Variants in CSN1S1 observed in about 807,000 individuals in gnomAD.
CSN1S1 encodes alpha-S1-casein.
In CSN1S1, 63 loss-of-function variants were observed where a neutral mutation model predicts 49.1. The ratio of observed to expected loss-of-function variants is 1.28; its 90% CI spans 1.05 to 1.58. CSN1S1 has a LOEUF of 1.58. Ranked by LOEUF, CSN1S1 falls within the 40% of genes most tolerant of loss-of-function variation. CSN1S1 has a pLI of 0.00. For missense variants in CSN1S1, 260 were observed against 224.7 expected (o/e 1.16, Z -1.01); for synonymous variants, 78 against 67.1 (o/e 1.16, Z -0.79).
intron 8 of CSN1S1, among the ~76,000 whole-genome samples, chr4:69,937,418 G>A (rs1443140129): frequency 6.7e-6 from 1 of 148,528 alleles, no homozygotes; most frequent in African/African-American, 2.5e-5. Flanking sequence ...TTTTGCTTAG[G>A]TATTTACACA....
At position 69,945,110 on chromosome 4, in the gene CSN1S1, C is replaced by T. The variant is rs144301879; in HGVS notation, c.557+106C>T. The T allele has an allele frequency of 5.3e-3, 6,231 of 1,176,334 alleles. 34 individuals carry two copies. The highest frequency in any genetic ancestry group is 6.1e-3 in the Non-Finnish European group (5,048 of 822,096). 72.9% of individuals were successfully genotyped at this position (1,176,334 alleles called of 1,614,324 possible). A position where few individuals can be genotyped will look rare whatever the true frequency, so the allele number is the denominator to read the frequency against. Reference sequence around the variant, plus strand: ...CAGATTTAGATTAAACATGGCAAATCAATGCCTACTGCAAAGGACTAATAT... The same window carrying T: ...CAGATTTAGATTAAACATGGCAAATTAATGCCTACTGCAAAGGACTAATAT... On this transcript the variant is annotated intron_variant, in intron 15 of 15. Transcript: ENST00000246891.
At chr4:69,931,951 G>A (rs1722620352) in intron 1 of CSN1S1, among the ~76,000 whole-genome samples, 1 of 151,856 alleles carries the variant, frequency 6.6e-6, no homozygotes, top group Admixed American at 6.6e-5. Flanking sequence ...ATATTCCAAT[G>A]TAGCAAAACA....
rs536645889 is a variant in CSN1S1, at chr4:69,946,117, C to T, written c.*-79C>T. 1.6e-4 allele frequency: 63 copies of T among 404,834 alleles called. 1 individual carries two copies. In the South Asian group the frequency reaches 2.5e-3, roughly 16 times the overall value. 25.1% of individuals were successfully genotyped at this position (404,834 alleles called of 1,614,324 possible). On this transcript the variant is annotated intron_variant, in intron 15 of 15. Transcript: ENST00000246891. Reference sequence around the variant, plus strand: ...CTAATACGAAGAGAAAATAGTAAAACGTGTTCTACCATAAGAGCTTTTCTT... The same window carrying T: ...CTAATACGAAGAGAAAATAGTAAAATGTGTTCTACCATAAGAGCTTTTCTT...
chr4:69,939,209 G>A lies in CSN1S1; in HGVS notation c.276+1G>A. 6.3e-7 allele frequency: 1 copy of A among 1,594,540 alleles called. No individual in the cohort carries two copies. The highest frequency in any genetic ancestry group is 8.6e-7 in the Non-Finnish European group (1 of 1,165,718). ...ATCCAGCATCAGTTCATCGAGTGAG[G>A]TAAATAATTTTGATATTAATTCTGT... is the stretch of plus-strand genomic sequence containing the variant. On this transcript the variant is annotated splice_donor_variant, in intron 10 of 15. Transcript: ENST00000246891. LOFTEE classifies it high-confidence loss of function.
intron 14 of CSN1S1, among the ~76,000 whole-genome samples, chr4:69,944,648 G>A (rs1307323497): frequency 6.6e-6 from 1 of 151,960 alleles, no homozygotes; most frequent in African/African-American, 2.4e-5. Context: ...CCCCTCAGGT[G>A]TCTTAAAAGA....
intron 4 of CSN1S1, among the ~76,000 whole-genome samples, chr4:69,935,022 A>G (rs532138128): frequency 1.3e-5 from 2 of 152,244 alleles, no homozygotes; most frequent in South Asian, 4.1e-4. Context: ...TCTTCTAGCT[A>G]AGAAATCTGT....
chr4:69,934,409 GACGGCAC>G (rs976779808), intron 3 of CSN1S1, among the ~76,000 whole-genome samples, 165 bp downstream of exon 3: 1 of 152,014 alleles, frequency 6.6e-6, no homozygotes, highest in African/African-American at 2.4e-5. Flanking sequence ...AAACTTAGAG[GACGGCAC>G]ACTGACTTAG....
At position 69,936,574 on chromosome 4, in the gene CSN1S1, C is replaced by CTGCTAGAAAAACAGAA. The variant is rs1325536667; in HGVS notation, c.162_163insTGCTAGAAAAACAGAA (p.Ile55CysfsTer2). On this transcript the variant is annotated stop_gained and frameshift_variant, in exon 7 of 16. Transcript: ENST00000246891. LOFTEE classifies it high-confidence loss of function. ...CACTTTATTGATTTTAGCAGAGAAACATTCTGAGAGAAAAACAGACTGATG... is the reference window on the plus strand; with the variant it reads ...CACTTTATTGATTTTAGCAGAGAAACTGCTAGAAAAACAGAAATTCTGAGAGAAAAACAGACTGATG... 10 of 1,605,740 alleles carry CTGCTAGAAAAACAGAA rather than the reference C, an allele frequency of 6.2e-6. No individual in the cohort carries two copies. Among genetic ancestry groups the CTGCTAGAAAAACAGAA allele is most frequent in the Non-Finnish European group, 8.5e-6 (10 of 1,175,792 alleles).
chr4:69,939,253 A>G lies in CSN1S1; in HGVS notation c.276+45A>G, dbSNP rs1722900057. 4.9e-6 allele frequency: 7 copies of G among 1,432,278 alleles called. No homozygotes were observed. The African/African-American group carries it at 7.1e-5, about 15-fold the overall frequency. 88.7% of individuals were successfully genotyped at this position (1,432,278 alleles called of 1,614,324 possible). On this transcript the variant is annotated intron_variant, in intron 10 of 15. Coordinates refer to ENST00000246891, the MANE Select transcript of CSN1S1 (RefSeq NM_001890.2). ...ATTCTGTGTCCCAACTAATTTAAAAAATTATGAAAACTTGTACCGTGAGGA... is the reference window on the plus strand; with the variant it reads ...ATTCTGTGTCCCAACTAATTTAAAAGATTATGAAAACTTGTACCGTGAGGA...
rs773831391 is a variant in CSN1S1 at position 69,936,458 on chromosome 4, A to G, written c.132A>G (p.Glu44=). 2 of 1,555,706 alleles carry G rather than the reference A, an allele frequency of 1.3e-6. No homozygotes were observed. The highest frequency in any genetic ancestry group is 1.8e-6 in the Non-Finnish European group (2 of 1,129,770). Residue 44 remains glutamate, a splice_region_variant and synonymous_variant, in exon 6 of 16, where the codon GAA becomes GAG. Transcript: ENST00000246891. ...SEPIPLESRE[E]YMNGMNRQRN... is the part of the protein sequence containing the mutation. ...ATGTTTTCTTTTTTATCCCTAAGGAATACATGAATGGTATGAACAGGGTAA... is the reference window on the plus strand; with the variant it reads ...ATGTTTTCTTTTTTATCCCTAAGGAGTACATGAATGGTATGAACAGGGTAA...
intron 1 of CSN1S1, among the ~76,000 whole-genome samples, chr4:69,932,248 A>G (rs769768013): frequency 4.6e-5 from 7 of 151,940 alleles, no homozygotes; most frequent in Non-Finnish European, 1.0e-4. Context: ...TCTAAGCCAT[A>G]TTATTACATT....
chr4:69,944,597 A>C (rs1260185504), intron 14 of CSN1S1, among the ~76,000 whole-genome samples: 1 of 151,956 alleles, frequency 6.6e-6, no homozygotes, highest in Non-Finnish European at 1.5e-5. Flanking sequence ...CTTGGAGTTC[A>C]GTTTTAAATA....
intron 11 of CSN1S1, 57 bp downstream of exon 11, chr4:69,940,101 G>A: frequency 1.6e-6 from 1 of 611,800 alleles, no homozygotes; most frequent in South Asian, 2.4e-5. Flanking sequence ...TAATTAAAAT[G>A]CACTTACTTT....
chr4:69,937,865 A>T, intron 9 of CSN1S1, 42 bp downstream of exon 9: 1 of 1,467,504 alleles, frequency 6.8e-7, no homozygotes, highest in Non-Finnish European at 9.3e-7. Flanking sequence ...CTTACGTATC[A>T]AACATAGTAT....
chr4:69,941,396 T>A (rs966382876), intron 12 of CSN1S1, among the ~76,000 whole-genome samples: 1 of 151,806 alleles, frequency 6.6e-6, no homozygotes, highest in Non-Finnish European at 1.5e-5. Flanking sequence ...ACCTGTGAAA[T>A]CACAGATATG....
At chr4:69,941,337 C>T (rs921330827) in intron 12 of CSN1S1, among the ~76,000 whole-genome samples, 2 of 151,664 alleles carry the variant, frequency 1.3e-5, no homozygotes, top group African/African-American at 4.8e-5. Flanking sequence ...CACTTTTAAC[C>T]TCCCTGATGA....
chr4:69,935,961 TC>T lies in CSN1S1; in HGVS notation c.129+14del. The T allele has an allele frequency of 6.5e-7, 1 of 1,536,840 alleles. No individual in the cohort carries two copies. On this transcript the variant is annotated intron_variant, in intron 5 of 15. Transcript: ENST00000246891. ...TAGAATCAAGAGAGGTAAGAATGAC[TC>T]CACAGAATTTACCGTGCAATTAACA...
chr4:69,931,841 G>A (rs991293153), intron 1 of CSN1S1, among the ~76,000 whole-genome samples: 7 of 151,580 alleles, frequency 4.6e-5, no homozygotes, highest in Admixed American at 1.3e-4. Context: ...TCCATATTTC[G>A]GGGTTCTTGC....
rs35000195 is a variant in CSN1S1 at position 69,940,111 on chromosome 4, T to TCACACACA, written c.300+99_300+106dup. 68 of 405,364 alleles carry TCACACACA rather than the reference T, an allele frequency of 1.7e-4. 1 individual carries two copies. Among genetic ancestry groups the TCACACACA allele is most frequent in the African/African-American group, 1.3e-3 (60 of 44,870 alleles). 25.1% of individuals were successfully genotyped at this position (405,364 alleles called of 1,614,324 possible). ...CAGGATAATTAAAATGCACTTACTTTCACACACACACACACACACACACAC... is the reference window on the plus strand; with the variant it reads ...CAGGATAATTAAAATGCACTTACTTTCACACACACACACACACACACACACACACACAC... On this transcript the variant is annotated intron_variant, in intron 11 of 15. Coordinates refer to ENST00000246891, the MANE Select transcript of CSN1S1 (RefSeq NM_001890.2).
Sources: allele counts gnomAD v4.1 joint callset (sites outside exome capture counted in the v4.1 genomes callset), GRCh38; gene constraint gnomAD v4.1.1; transcripts MANE v1.5; gene names NCBI Gene and HGNC (gene_info 2026-07-23, HGNC 2026-07-21).